Variants in WHRN observed in about 807,000 individuals in gnomAD.
The protein encoded by WHRN is CASK-interacting protein CIP98.
WHRN carries 41 observed loss-of-function variants against 68.3 expected under a neutral mutation model. The observed-to-expected ratio is 0.60, with a 90% CI of 0.47 to 0.78. The LOEUF (loss-of-function observed/expected upper bound fraction) is 0.78. Among genes scored for constraint, WHRN ranks in the 30% least tolerant of loss-of-function variants. The probability of loss-of-function intolerance (pLI) is 0.00; values close to 1 mark genes in which losing one functional copy is unlikely to be tolerated. For missense variants in WHRN, 1,243 were observed against 1,244.7 expected (o/e 1.00, Z 0.02); for synonymous variants, 560 against 561.3 (o/e 1.00, Z 0.03).
intron 3 of WHRN, among the ~76,000 whole-genome samples, chr9:114,452,714 T>G (rs898211384): frequency 2.0e-5 from 3 of 152,192 alleles, no homozygotes; most frequent in African/African-American, 7.2e-5. Context: ...CAGTGAGGTT[T>G]GCTCATCACA....
rs748282538 is a variant in WHRN, at chr9:114,504,692, G to A, written c.110C>T (p.Ala37Val). 1.3e-6 allele frequency: 2 copies of A among 1,589,658 alleles called. No individual in the cohort carries two copies. The highest frequency in any genetic ancestry group is 2.3e-5 in the South Asian group (2 of 88,832). ...CGCTTGGTGCAGCTGGCGCACGTTGGCAGACAGTAACCGCAGCCCCGCGCC... is the reference window on the plus strand; with the variant it reads ...CGCTTGGTGCAGCTGGCGCACGTTGACAGACAGTAACCGCAGCCCCGCGCC... ...GGGAGLRLLS[A>V]NVRQLHQALT... The change falls in exon 1 of 12, where the codon GCC becomes GTC. Residue 37 changes from alanine (A) to valine (V), a missense_variant. By Grantham distance (64) the Ala-to-Val change is moderately conservative. Coordinates refer to ENST00000362057, the MANE Select transcript of WHRN (RefSeq NM_015404.4).
At chr9:114,467,448 TG>T (rs145409798) in intron 2 of WHRN, among the ~76,000 whole-genome samples, 1 of 146,586 alleles carries the variant, frequency 6.8e-6, no homozygotes. Flanking sequence ...CTGACTGGCG[TG>T]GGGGGGTGCT....
intron 2 of WHRN, among the ~76,000 whole-genome samples, chr9:114,471,264 A>T (rs1189166815): frequency 6.6e-6 from 1 of 152,200 alleles, no homozygotes; most frequent in Non-Finnish European, 1.5e-5. Context: ...CCTATGTCCC[A>T]GGCACCGTAC....
chr9:114,478,192 G>A, intron 2 of WHRN: 1 of 616,596 alleles, frequency 1.6e-6, no homozygotes, highest in Non-Finnish European at 2.9e-6. Flanking sequence ...GGAGGCTGAG[G>A]CACAAGAATT....
At chr9:114,403,196 G>C (rs773019766) in intron 11 of WHRN, 21 bp downstream of exon 11, 2 of 1,613,888 alleles carry the variant, frequency 1.2e-6, no homozygotes, top group East Asian at 4.5e-5. Flanking sequence ...GAGATGGCAA[G>C]TGGGGCCCCT....
At chr9:114,457,090 C>T (rs1289434007) in intron 3 of WHRN, among the ~76,000 whole-genome samples, 2 of 152,116 alleles carry the variant, frequency 1.3e-5, no homozygotes, top group Admixed American at 1.3e-4. Context: ...TGTGTGCATG[C>T]ATGAGTCATT....
rs1836077024 is a variant in WHRN at position 114,419,377 on chromosome 9, A to T, written c.1626+3937T>A. On this transcript the variant is annotated intron_variant, in intron 7 of 11. Coordinates refer to ENST00000362057, the MANE Select transcript of WHRN (RefSeq NM_015404.4). ...CCACTATTGTTATTAATAAAGGCCC[A>T]AATTATGGGCTAGGGTCTGTGCTGA... Among the ~76,000 whole-genome samples the T allele has an allele frequency of 1.3e-5, 2 of 152,354 alleles. 1 individual carries two copies. The highest frequency in any genetic ancestry group is 3.9e-4 in the East Asian group (2 of 5,190).
At chr9:114,475,343 C>G (rs1841564545) in intron 2 of WHRN, among the ~76,000 whole-genome samples, 1 of 152,142 alleles carries the variant, frequency 6.6e-6, no homozygotes, top group African/African-American at 2.4e-5. Flanking sequence ...AGTGAGCACT[C>G]TGCACCCTGC....
At chr9:114,492,869 A>G (rs1843106586) in intron 1 of WHRN, among the ~76,000 whole-genome samples, 1 of 151,958 alleles carries the variant, frequency 6.6e-6, no homozygotes, top group Non-Finnish European at 1.5e-5. Flanking sequence ...TATACACACC[A>G]TGCTGGGCAT....
Position 114,445,531 on chromosome 9 carries a change from AT to A in WHRN, c.964-19119del, listed in dbSNP as rs545287671. ...ATACAAAGACCAGACTGTCAAGTGT[AT>A]AAAGAAAAAAATTCCACAACTAAAT... On this transcript the variant is annotated intron_variant, in intron 3 of 11. Transcript: ENST00000362057. Among the ~76,000 whole-genome samples the A allele has an allele frequency of 5.4e-3, 828 of 152,312 alleles. 5 individuals are homozygous for A. The highest frequency in any genetic ancestry group is 0.019 in the African/African-American group (800 of 41,550).
At chr9:114,457,940 G>A (rs939787465) in intron 3 of WHRN, among the ~76,000 whole-genome samples, 17 of 149,008 alleles carry the variant, frequency 1.1e-4, no homozygotes, top group Non-Finnish European at 2.2e-4. Flanking sequence ...AAGTGGGCAT[G>A]AGTTTAAGCA....
chr9:114,438,330 G>T (rs2132549332), intron 3 of WHRN, among the ~76,000 whole-genome samples: 1 of 152,150 alleles, frequency 6.6e-6, no homozygotes, highest in African/African-American at 2.4e-5. Flanking sequence ...TCATCTATCA[G>T]ATTGAGAAAA....
chr9:114,437,118 G>A (rs1043230660), intron 3 of WHRN, among the ~76,000 whole-genome samples: 3 of 152,038 alleles, frequency 2.0e-5, no homozygotes, highest in African/African-American at 7.2e-5. Context: ...TAGGCCCAAG[G>A]ACACACAACA....
At position 114,403,888 on chromosome 9, in the gene WHRN, T is replaced by G; in HGVS notation, c.2418+8A>C. Reference sequence around the variant, plus strand: ...TCAGCCCTCTGCATCCTCCTCCTCCTGGCTCACCGGTTTGTTGGCCCCATC... The same window carrying G: ...TCAGCCCTCTGCATCCTCCTCCTCCGGGCTCACCGGTTTGTTGGCCCCATC... On this transcript the variant is annotated splice_region_variant and intron_variant, in intron 10 of 11. Coordinates refer to ENST00000362057, the MANE Select transcript of WHRN (RefSeq NM_015404.4). 1.9e-6 allele frequency: 3 copies of G among 1,610,154 alleles called. No individual in the cohort carries two copies. The highest frequency in any genetic ancestry group is 2.5e-6 in the Non-Finnish European group (3 of 1,180,004).
chr9:114,498,523 C>A (rs950379130), intron 1 of WHRN, among the ~76,000 whole-genome samples: 1 of 152,152 alleles, frequency 6.6e-6, no homozygotes, highest in East Asian at 1.9e-4. Context: ...GTAAGCACTG[C>A]TCAGAGAATG....
At position 114,503,322 on chromosome 9, in the gene WHRN, C is replaced by T. The variant is rs558547248; in HGVS notation, c.618+862G>A. ...TCCCCCAAACTCTTCACTTCTTGTA[C>T]GCAAAGGAGGTCGGGGGAGGGGGGA... On this transcript the variant is annotated intron_variant, in intron 1 of 11. Transcript: ENST00000362057. 3.2e-5 allele frequency: 16 copies of T among 493,906 alleles called. No individual in the cohort carries two copies. In the South Asian group the frequency reaches 9.4e-4, roughly 29 times the overall value. The allele number at this position is 493,906 out of a possible 1,614,324, so 30.6% of individuals were successfully genotyped here.
At chr9:114,428,581 T>A (rs1201506899) in intron 3 of WHRN, among the ~76,000 whole-genome samples, 1 of 152,212 alleles carries the variant, frequency 6.6e-6, no homozygotes, top group East Asian at 1.9e-4. Context: ...AGTGCTGATT[T>A]GCACATCCAG....
At chr9:114,417,047 T>C (rs1164491066) in intron 7 of WHRN, among the ~76,000 whole-genome samples, 2 of 152,238 alleles carry the variant, frequency 1.3e-5, no homozygotes, top group Non-Finnish European at 2.9e-5. Context: ...CTTCTTTCAC[T>C]CTGCTCTCTC....
rs926966834 is a variant in WHRN at position 114,405,198 on chromosome 9, C to T, written c.2237-1121G>A. Among the ~76,000 whole-genome samples the T allele has an allele frequency of 1.7e-4, 25 of 150,908 alleles. 3 individuals carry two copies. The Admixed American group carries it at 1.7e-3, about 10-fold the overall frequency. The stretch of plus-strand genomic sequence containing the variant: ...CAAGTGGTCCTCCCACCTCAGCCTT[C>T]TGAGTAGCTGGGACTACAGGTGCCC... On this transcript the variant is annotated intron_variant, in intron 9 of 11. Transcript: ENST00000362057.
Sources: allele counts gnomAD v4.1 joint callset (sites outside exome capture counted in the v4.1 genomes callset), GRCh38; gene constraint gnomAD v4.1.1; transcripts MANE v1.5; gene names NCBI Gene and HGNC (gene_info 2026-07-23, HGNC 2026-07-21).